The following SLFN12L variants were observed in gnomAD, a reference collection of about 807,000 sequenced individuals.
SLFN12L encodes schlafen family member 12-like.
A neutral mutation model predicts 34.8 loss-of-function variants in SLFN12L; 34 were observed. The ratio of observed to expected loss-of-function variants is 0.98; its 90% CI spans 0.74 to 1.30. SLFN12L has a LOEUF of 1.30. Among genes scored for constraint, SLFN12L ranks in the 50% most tolerant of loss-of-function variants. The pLI, the probability that SLFN12L is intolerant of heterozygous loss-of-function variation, is 0.00. For missense variants in SLFN12L, 703 were observed against 696.2 expected, an observed-to-expected ratio of 1.01 and a Z score of -0.11; for synonymous variants, 259 against 247.5, an observed-to-expected ratio of 1.05 and a Z score of -0.44.
chr17:35,490,158 G>T, intron 2 of SLFN12L: 1 of 1,606,656 alleles, frequency 6.2e-7, no homozygotes, highest in Non-Finnish European at 8.5e-7. Context: ...GGACCCTCCA[G>T]CAGAGCCGGG....
At position 35,474,692 on chromosome 17, in the gene SLFN12L, G is replaced by GT. The variant is rs1192492157; in HGVS notation, c.*230_*231insA. 5.4e-6 allele frequency: 2 copies of GT among 368,854 alleles called. No individual in the cohort carries two copies. The highest frequency in any genetic ancestry group is 2.4e-5 in the African/African-American group (1 of 42,404). 22.8% of individuals were successfully genotyped at this position (368,854 alleles called of 1,614,324 possible). A position where few individuals can be genotyped will look rare whatever the true frequency, so the allele number is the denominator to read the frequency against. On this transcript the variant is annotated 3_prime_UTR_variant, in exon 5 of 5. Transcript: ENST00000628453. ...CTCCTAGCACTTTGGGAGACCGGGG[G>GT]GGGGGGTTGAATCACGAGGTCAGGA...
rs762048496 is a variant in SLFN12L, at chr17:35,475,176, C to A, written c.1586G>T (p.Gly529Val). The A allele has an allele frequency of 6.2e-7, 1 of 1,613,986 alleles. No individual in the cohort carries two copies. The highest frequency in any genetic ancestry group is 8.5e-7 in the Non-Finnish European group (1 of 1,180,020). ...CATGACACACACTTTTTTAGTGTAA[C>A]CACCAATTTTTGCCAGCTTCTGTTT... ...TLKQKLAKIG[G>V]YTKKVCVMTK... Residue 529 changes from glycine to valine, a missense_variant, in exon 5 of 5, where the codon GGT becomes GTT. Physicochemically the swap from Gly to Val is moderately radical, Grantham distance 109. Coordinates refer to ENST00000628453, the MANE Select transcript of SLFN12L (RefSeq NM_001363830.2).
Position 35,472,408 on chromosome 17 carries a change from GT to G in SLFN12L, c.*2514del. Among the ~76,000 whole-genome samples the G allele has an allele frequency of 6.6e-6, 1 of 152,254 alleles. No individual in the cohort carries two copies. The highest frequency in any genetic ancestry group is 1.9e-4 in the East Asian group (1 of 5,176). On this transcript the variant is annotated 3_prime_UTR_variant, in exon 5 of 5. Coordinates refer to ENST00000628453, the MANE Select transcript of SLFN12L (RefSeq NM_001363830.2). ...ATAGAAGATCCTTTCCCCATTGCTT[GT>G]TTTTGTCAAGTTTGTAGAAGATCAG...
chr17:35,496,960 T>C (rs1254735853), intron 2 of SLFN12L, among the ~76,000 whole-genome samples: 1 of 152,188 alleles, frequency 6.6e-6, no homozygotes, highest in Non-Finnish European at 1.5e-5. Flanking sequence ...ACCTGTGTTT[T>C]CCCAGGGCAT....
intron 2 of SLFN12L, chr17:35,498,889 C>A (rs993039167): frequency 1.4e-6 from 1 of 695,364 alleles, no homozygotes; most frequent in Non-Finnish European, 2.6e-6. Context: ...TACTTGGAGG[C>A]CCCTGATATG....
chr17:35,515,804 C>A (rs187595472), intron 2 of SLFN12L, among the ~76,000 whole-genome samples: 1 of 151,730 alleles, frequency 6.6e-6, no homozygotes, highest in Non-Finnish European at 1.5e-5. Context: ...CCACCACACC[C>A]GGCTAATTTT....
chr17:35,513,458 TC>T (rs1567679822), intron 2 of SLFN12L, among the ~76,000 whole-genome samples: 1 of 152,346 alleles, frequency 6.6e-6, no homozygotes, highest in Non-Finnish European at 1.5e-5. Context: ...CTTTGGGATC[TC>T]CCCACAGATT....
At chr17:35,506,328 T>G (rs1915464175) in intron 2 of SLFN12L, among the ~76,000 whole-genome samples, 1 of 152,220 alleles carries the variant, frequency 6.6e-6, no homozygotes, top group Non-Finnish European at 1.5e-5. Context: ...GAATTAGGAC[T>G]GTGTGGAAAT....
chr17:35,490,242 G>A lies in SLFN12L; in HGVS notation c.87-10047C>T. On this transcript the variant is annotated intron_variant, in intron 2 of 4. Coordinates refer to ENST00000628453, the MANE Select transcript of SLFN12L (RefSeq NM_001363830.2). ...AAGTGAAGTCTGGAGCTAGGAGAAA[G>A]CGGTCATCAGTACCTCTCGGATGGT... 7 of 1,552,258 alleles carry A rather than the reference G, an allele frequency of 4.5e-6. No individual in the cohort carries two copies. In the South Asian group the frequency reaches 5.6e-5, roughly 12 times the overall value.
intron 1 of SLFN12L, among the ~76,000 whole-genome samples, chr17:35,530,405 GGAAGGAAGGAAGGA>G (rs2072382434): frequency 7.9e-4 from 9 of 11,340 alleles, no homozygotes; most frequent in East Asian, 0.031. Context: ...AAGGAAGGAA[GGAAGGAAGGAAGGA>G]AGGAAGGAAG....
intron 2 of SLFN12L, among the ~76,000 whole-genome samples, chr17:35,489,778 T>A (rs563012204): frequency 6.6e-6 from 1 of 152,248 alleles, no homozygotes; most frequent in South Asian, 2.1e-4. Context: ...AGAATACATA[T>A]GACGTCTGCA....
intron 2 of SLFN12L, among the ~76,000 whole-genome samples, chr17:35,502,416 GAAAAAAAAAA>G (rs1161388791): frequency 1.9e-3 from 49 of 25,262 alleles, no homozygotes; most frequent in African/African-American, 4.2e-3. Context: ...GTATCCTAAG[GAAAAAAAAAA>G]AAAAAAAAAA....
intron 2 of SLFN12L, among the ~76,000 whole-genome samples, chr17:35,507,901 G>A (rs1915515656): frequency 6.6e-6 from 1 of 152,154 alleles, no homozygotes; most frequent in Admixed American, 6.5e-5. Context: ...TTCTCAAAGA[G>A]GGGGAATAAG....
intron 2 of SLFN12L, among the ~76,000 whole-genome samples, chr17:35,503,005 G>T (rs1443884163): frequency 6.6e-6 from 1 of 152,082 alleles, no homozygotes; most frequent in Non-Finnish European, 1.5e-5. Flanking sequence ...ATAAAAAAAA[G>T]TGTGTTAGAA....
At chr17:35,487,895 C>T in intron 2 of SLFN12L, 1 of 805,046 alleles carries the variant, frequency 1.2e-6, no homozygotes, top group Non-Finnish European at 2.1e-6. Flanking sequence ...ATCGACTCTG[C>T]GCCTTTGGAA....
At chr17:35,532,316 T>C (rs1050659929) in intron 1 of SLFN12L, among the ~76,000 whole-genome samples, 1 of 151,882 alleles carries the variant, frequency 6.6e-6, no homozygotes, top group African/African-American at 2.4e-5. Flanking sequence ...GGCACATGCC[T>C]CTTATGCCAG....
chr17:35,515,874 C>T (rs1019450155), intron 2 of SLFN12L, among the ~76,000 whole-genome samples: 127 of 151,998 alleles, frequency 8.4e-4, no homozygotes, highest in African/African-American at 2.9e-3. Flanking sequence ...GAACTCCTGA[C>T]CTCGTGATCT....
intron 2 of SLFN12L, among the ~76,000 whole-genome samples, chr17:35,496,578 C>A (rs1915089479): frequency 6.6e-6 from 1 of 151,498 alleles, no homozygotes. Context: ...ACTCCCTTCC[C>A]TTCTCCCTGG....
rs149495530 is a variant in SLFN12L at position 35,522,834 on chromosome 17, T to C, written c.-470A>G. The C allele has an allele frequency of 2.2e-4, 286 of 1,280,908 alleles. 1 individual carries two copies. The highest frequency in any genetic ancestry group is 9.2e-4 in the South Asian group (74 of 80,336). 79.3% of individuals were successfully genotyped at this position (1,280,908 alleles called of 1,614,324 possible). A position where few individuals can be genotyped will look rare whatever the true frequency, so the allele number is the denominator to read the frequency against. On this transcript the variant is annotated 5_prime_UTR_variant, in exon 2 of 5. Coordinates refer to ENST00000628453, the MANE Select transcript of SLFN12L (RefSeq NM_001363830.2). ...CTCCTGCAAATTCAGGTCCACAGCC[T>C]AGCTTCTAGAGAGGATCACAATTCC...
Sources: gnomAD v4.1 joint callset for allele counts (sites outside exome capture counted in the v4.1 genomes callset) on GRCh38, gnomAD v4.1.1 for gene constraint, MANE v1.5 for transcripts, NCBI Gene and HGNC (gene_info 2026-07-23, HGNC 2026-07-21) for gene names.